The following FMNL2 variants were observed in gnomAD, a reference collection of about 807,000 sequenced individuals.
FMNL2 encodes the protein formin like 2.
In FMNL2, 51 loss-of-function variants were observed where a neutral mutation model predicts 130.2. That is an observed-to-expected ratio of 0.39 (90% CI 0.31 to 0.49). The LOEUF (loss-of-function observed/expected upper bound fraction) is 0.49, where lower values mean the gene tolerates loss of function less well. Ranked by LOEUF, FMNL2 falls within the 20% of genes least tolerant of loss-of-function variation. The pLI is 0.85. For synonymous variants in FMNL2, 465 were observed against 467.1 expected (o/e 1.00, Z 0.06); for missense variants, 977 against 1,316.2 (o/e 0.74, Z 3.99).
rs565421640 is a variant in FMNL2, at chr2:152,424,473, C to T, written c.117+88753C>T. The stretch of plus-strand genomic sequence containing the variant: ...TGGCATGATCTTGGCTCACTGCAAC[C>T]TCCACCTCCTGGGTTCAAGTGATTC... On this transcript the variant is annotated intron_variant, in intron 1 of 25. Coordinates refer to ENST00000288670, the MANE Select transcript of FMNL2 (RefSeq NM_052905.4). Among the ~76,000 whole-genome samples the T allele has an allele frequency of 2.8e-4, 42 of 151,892 alleles. 1 individual carries two copies. In the South Asian group the frequency reaches 7.1e-3, roughly 26 times the overall value.
At chr2:152,547,808 C>T (rs934545475) in intron 3 of FMNL2, among the ~76,000 whole-genome samples, 2 of 152,176 alleles carry the variant, frequency 1.3e-5, no homozygotes, top group African/African-American at 4.8e-5. Flanking sequence ...AAGCTCTTTC[C>T]TGTAAACAGT....
At chr2:152,379,400 A>G (rs1156637085) in intron 1 of FMNL2, among the ~76,000 whole-genome samples, 2 of 152,166 alleles carry the variant, frequency 1.3e-5, no homozygotes, top group Non-Finnish European at 2.9e-5. Context: ...TTTGTGGTGA[A>G]TAAAATTTAT....
chr2:152,495,653 C>CAA (rs55989531), intron 1 of FMNL2, among the ~76,000 whole-genome samples: 1 of 48,544 alleles, frequency 2.1e-5, no homozygotes, highest in East Asian at 5.6e-4. Flanking sequence ...TCCGTCTCAC[C>CAA]AAAAAAAAAA....
In FMNL2 at chr2:152,428,043, C is replaced by A. The variant is rs560302073; in HGVS notation, c.117+92323C>A. Among the ~76,000 whole-genome samples, 11 of 152,336 alleles carry A rather than the reference C, an allele frequency of 7.2e-5. No individual in the cohort carries two copies. In the East Asian group the frequency reaches 2.1e-3, roughly 29 times the overall value. On this transcript the variant is annotated intron_variant, in intron 1 of 25. Transcript: ENST00000288670. ...CCATTGTCTTTAAAGGATATTGTCA[C>A]ACTGCCAAATTGCCACATTCCCCCT...
At chr2:152,428,523 C>G (rs1168082707) in intron 1 of FMNL2, among the ~76,000 whole-genome samples, 2 of 152,122 alleles carry the variant, frequency 1.3e-5, no homozygotes, top group African/African-American at 4.8e-5. Context: ...TCTAGGTTAG[C>G]TTATTGCATA....
At chr2:152,574,553 C>A (rs540596934) in intron 6 of FMNL2, among the ~76,000 whole-genome samples, 1 of 151,662 alleles carries the variant, frequency 6.6e-6, no homozygotes, top group South Asian at 2.1e-4. Context: ...TAGAGAATAA[C>A]CTCTCCCATT....
chr2:152,601,814 C>T (rs1050288704), intron 9 of FMNL2, among the ~76,000 whole-genome samples: 2 of 151,790 alleles, frequency 1.3e-5, no homozygotes, highest in Non-Finnish European at 2.9e-5. Context: ...GGATTACAGG[C>T]GCCCGCCACC....
At chr2:152,478,287 G>A (rs1690282038) in intron 1 of FMNL2, among the ~76,000 whole-genome samples, 1 of 126,138 alleles carries the variant, frequency 7.9e-6, no homozygotes, top group Non-Finnish European at 1.6e-5. Flanking sequence ...GTCTTACTGT[G>A]TCGCCCAGGC....
intron 1 of FMNL2, among the ~76,000 whole-genome samples, chr2:152,508,097 A>G (rs936281189): frequency 2.6e-5 from 4 of 152,168 alleles, no homozygotes; most frequent in African/African-American, 9.7e-5. Flanking sequence ...CATGTGCAAT[A>G]ACAGAGAATA....
intron 25 of FMNL2, chr2:152,645,570 C>A (rs1349401791): frequency 8.4e-7 from 1 of 1,192,274 alleles, no homozygotes; most frequent in African/African-American, 1.6e-5. Flanking sequence ...TCTCTGTATG[C>A]AGATCAATGG....
chr2:152,335,853 C>A, intron 1 of FMNL2, 133 bp downstream of exon 1: 1 of 573,124 alleles, frequency 1.7e-6, no homozygotes. Flanking sequence ...CCCGCTTTCC[C>A]CTTTGTGGCC....
chr2:152,402,739 G>T (rs756262442), intron 1 of FMNL2, among the ~76,000 whole-genome samples: 6 of 152,140 alleles, frequency 3.9e-5, no homozygotes, highest in Non-Finnish European at 8.8e-5. Flanking sequence ...ATAATACAGA[G>T]AATTCCCACA....
rs561402370 is a variant in FMNL2, at chr2:152,376,147, G to A, written c.117+40427G>A. 1.3e-3 allele frequency among the ~76,000 whole-genome samples: 198 copies of A among 152,026 alleles called. 1 individual carries two copies. The highest frequency in any genetic ancestry group is 4.6e-3 in the African/African-American group (192 of 41,444). ...GGCCTCAAGTGATCCAACCCCCCTTGACCTCCCAAAGTGCTGGGATTACAG... is the reference window on the plus strand; with the variant it reads ...GGCCTCAAGTGATCCAACCCCCCTTAACCTCCCAAAGTGCTGGGATTACAG... On this transcript the variant is annotated intron_variant, in intron 1 of 25. Transcript: ENST00000288670.
At chr2:152,605,331 TG>T (rs1698308962) in intron 9 of FMNL2, among the ~76,000 whole-genome samples, 2 of 152,004 alleles carry the variant, frequency 1.3e-5, no homozygotes, top group African/African-American at 4.8e-5. Context: ...TGTGTGTGTG[TG>T]TATTTTTGAG....
chr2:152,633,249 C>G (rs1425950151), intron 21 of FMNL2, among the ~76,000 whole-genome samples: 2 of 152,130 alleles, frequency 1.3e-5, no homozygotes, highest in Non-Finnish European at 2.9e-5. Context: ...GCACACACCA[C>G]TATGCCCAGC....
At chr2:152,351,591 C>A (rs1478863460) in intron 1 of FMNL2, among the ~76,000 whole-genome samples, 1 of 152,162 alleles carries the variant, frequency 6.6e-6, no homozygotes, top group Non-Finnish European at 1.5e-5. Flanking sequence ...TTTCTTTATC[C>A]AGTCTATCAT....
chr2:152,560,346 A>G (rs906238506), intron 5 of FMNL2, among the ~76,000 whole-genome samples: 2 of 152,192 alleles, frequency 1.3e-5, no homozygotes, highest in African/African-American at 4.8e-5. Flanking sequence ...GAGAAACAAC[A>G]GTCTTACTTT....
rs142762584 is a variant in FMNL2, at chr2:152,548,019, T to C, written c.283-1002T>C. Among the ~76,000 whole-genome samples, 113 of 152,124 alleles carry C rather than the reference T, an allele frequency of 7.4e-4. 2 individuals are homozygous for C. The East Asian group carries it at 0.016, about 22-fold the overall frequency. ...ATTTAGGGTCAAGAGGCTAGAGAGGTGTATATTAACACATTTACTATCAGA... is the reference window on the plus strand; with the variant it reads ...ATTTAGGGTCAAGAGGCTAGAGAGGCGTATATTAACACATTTACTATCAGA... On this transcript the variant is annotated intron_variant, in intron 3 of 25. Coordinates refer to ENST00000288670, the MANE Select transcript of FMNL2 (RefSeq NM_052905.4).
intron 9 of FMNL2, among the ~76,000 whole-genome samples, chr2:152,593,272 A>G (rs937337054): frequency 3.3e-5 from 5 of 152,298 alleles, no homozygotes; most frequent in East Asian, 1.9e-4. Flanking sequence ...CACCTCAACT[A>G]GAAGATAGAT....
Sources: gnomAD v4.1 joint callset for allele counts (sites outside exome capture counted in the v4.1 genomes callset) on GRCh38, gnomAD v4.1.1 for gene constraint, MANE v1.5 for transcripts, NCBI Gene and HGNC (gene_info 2026-07-23, HGNC 2026-07-21) for gene names.